The following CHRDL1 variants were observed in gnomAD, a reference collection of about 807,000 sequenced individuals.
CHRDL1 encodes chordin like 1, also known as chordin-like protein 1.
CHRDL1 carries 19 observed loss-of-function variants against 40.9 expected under a neutral mutation model. The ratio of observed to expected loss-of-function variants is 0.46; its 90% CI spans 0.32 to 0.68. CHRDL1 has a LOEUF of 0.68. Among genes scored for constraint, CHRDL1 ranks in the 30% least tolerant of loss-of-function variants. The pLI is 0.03. For synonymous variants in CHRDL1, 136 were observed against 123.4 expected (o/e 1.10, Z -0.68); for missense variants, 329 against 352.1 (o/e 0.93, Z 0.53).
At chrX:110,688,571 A>G (rs5943052) in intron 9 of CHRDL1, 23 bp downstream of exon 9, 436,909 of 1,140,691 alleles carry the variant, frequency 0.38, 67,495 homozygotes, top group African/African-American at 0.8. Flanking sequence ...GTCAACCAAA[A>G]GCAGGGCCTC....
chrX:110,795,501 T>A (rs1408439599), intron 1 of CHRDL1, among the ~76,000 whole-genome samples: 2 of 110,116 alleles, frequency 1.8e-5, no homozygotes, highest in Admixed American at 9.6e-5. Flanking sequence ...GCAGGCCGAG[T>A]GGGGAGGGAC....
At chrX:110,774,447 T>C (rs2089814229) in intron 2 of CHRDL1, among the ~76,000 whole-genome samples, 1 of 111,321 alleles carries the variant, frequency 9.0e-6, no homozygotes, top group Non-Finnish European at 1.9e-5. Flanking sequence ...TGGTATCTTT[T>C]TTTTTTTAAA....
intron 4 of CHRDL1, among the ~76,000 whole-genome samples, chrX:110,743,295 T>C (rs1241725833): frequency 4.4e-5 from 5 of 112,577 alleles, no homozygotes; most frequent in Non-Finnish European, 9.4e-5. Flanking sequence ...GCCTGACCAA[T>C]GCTGACTTTG....
Position 110,685,593 on chromosome X carries a change from A to G in CHRDL1, c.988+3001T>C, listed in dbSNP as rs976337460. Among the ~76,000 whole-genome samples the G allele has an allele frequency of 1.4e-3, 160 of 111,942 alleles. 1 individual carries two copies. The highest frequency in any genetic ancestry group is 3.0e-4 in the Non-Finnish European group (16 of 53,240). Reference sequence around the variant, plus strand: ...TTTCTTTTTTAACACAAAAAGTTGGATCATAATATACATATTGTTCTTTAG... The same window carrying G: ...TTTCTTTTTTAACACAAAAAGTTGGGTCATAATATACATATTGTTCTTTAG... On this transcript the variant is annotated intron_variant, in intron 9 of 11. Transcript: ENST00000372042.
intron 2 of CHRDL1, 114 bp from the exon 3 acceptor site, chrX:110,762,921 G>A (rs1400468825): frequency 4.0e-6 from 2 of 500,376 alleles, no homozygotes; most frequent in Non-Finnish European, 7.0e-6. Flanking sequence ...AAGTGGCATA[G>A]CAAGTATTTA....
chrX:110,745,223 G>T (rs1406840008), intron 4 of CHRDL1, among the ~76,000 whole-genome samples: 2 of 111,680 alleles, frequency 1.8e-5, no homozygotes, highest in Non-Finnish European at 3.8e-5. Flanking sequence ...CTGCTGGAAG[G>T]AGTCTCATCA....
intron 6 of CHRDL1, among the ~76,000 whole-genome samples, chrX:110,703,856 T>C (rs1479100306): frequency 9.0e-6 from 1 of 111,443 alleles, no homozygotes; most frequent in African/African-American, 3.3e-5. Flanking sequence ...GACCAGAGCT[T>C]TGTAAACAGC....
intron 4 of CHRDL1, among the ~76,000 whole-genome samples, chrX:110,728,166 A>G: frequency 9.0e-6 from 1 of 110,623 alleles, no homozygotes; most frequent in Admixed American, 9.6e-5. Flanking sequence ...AAAAATCTGG[A>G]AAGATATATA....
At chrX:110,729,816 T>C (rs2071125275) in intron 4 of CHRDL1, among the ~76,000 whole-genome samples, 1 of 112,283 alleles carries the variant, frequency 8.9e-6, no homozygotes, top group African/African-American at 3.2e-5. Flanking sequence ...TCTTAGCATC[T>C]CTGAGTCTCA....
At chrX:110,775,573 C>A (rs2089838836) in intron 2 of CHRDL1, among the ~76,000 whole-genome samples, 1 of 111,399 alleles carries the variant, frequency 9.0e-6, no homozygotes, top group Admixed American at 9.5e-5. Context: ...TAAATGTACA[C>A]AATAGAACTT....
chrX:110,783,809 C>G (rs908270164), intron 2 of CHRDL1, among the ~76,000 whole-genome samples: 2 of 112,062 alleles, frequency 1.8e-5, no homozygotes, highest in African/African-American at 3.2e-5. Flanking sequence ...ATACGTGTCA[C>G]TATGCCATCA....
intron 4 of CHRDL1, among the ~76,000 whole-genome samples, chrX:110,728,196 G>A (rs985411744): frequency 2.7e-5 from 3 of 109,712 alleles, no homozygotes; most frequent in Non-Finnish European, 5.7e-5. Context: ...AGTTATGGGG[G>A]GGAACTACAT....
At chrX:110,757,443 TAAAC>T (rs1038081412) in intron 4 of CHRDL1, among the ~76,000 whole-genome samples, 4 of 110,373 alleles carry the variant, frequency 3.6e-5, no homozygotes, top group African/African-American at 9.9e-5. Flanking sequence ...CACAAACAAA[TAAAC>T]AAACATAAAG....
At chrX:110,706,284 G>A (rs149956316) in intron 6 of CHRDL1, among the ~76,000 whole-genome samples, 1,547 of 111,866 alleles carry the variant, frequency 0.014, 20 homozygotes, top group Non-Finnish European at 0.02. Flanking sequence ...GATTCTAATG[G>A]ATTCAGATGG....
chrX:110,793,688 G>T (rs927590249), intron 1 of CHRDL1, among the ~76,000 whole-genome samples: 2 of 112,447 alleles, frequency 1.8e-5, no homozygotes, highest in African/African-American at 6.5e-5. Context: ...AAAAGAGAAA[G>T]ATTTTTAACC....
chrX:110,757,994 G>C lies in CHRDL1; in HGVS notation c.301+1667C>G, dbSNP rs1679855. Among the ~76,000 whole-genome samples the C allele has an allele frequency of 5.7e-4, 62 of 109,255 alleles. No homozygotes were observed. In the Admixed American group the frequency reaches 6.1e-3, roughly 11 times the overall value. The allele number at this position is 109,255 out of a possible 115,157, so 94.9% of individuals were successfully genotyped here. A position where few individuals can be genotyped will look rare whatever the true frequency, so the allele number is the denominator to read the frequency against. On this transcript the variant is annotated intron_variant, in intron 4 of 11. Transcript: ENST00000372042. Reference sequence around the variant, plus strand: ...CCCAGGGAAGAACAATCTTTACACAGAAGTTTAGATAAGTTCCTATGACAT... The same window carrying C: ...CCCAGGGAAGAACAATCTTTACACACAAGTTTAGATAAGTTCCTATGACAT...
chrX:110,754,801 A>G (rs962488232), intron 4 of CHRDL1, among the ~76,000 whole-genome samples: 2 of 110,640 alleles, frequency 1.8e-5, no homozygotes, highest in African/African-American at 6.6e-5. Flanking sequence ...ATGCTGGAAT[A>G]CCTCCAGGAA....
At chrX:110,751,710 G>T (rs2089362050) in intron 4 of CHRDL1, among the ~76,000 whole-genome samples, 1 of 111,604 alleles carries the variant, frequency 9.0e-6, no homozygotes, top group Non-Finnish European at 1.9e-5. Flanking sequence ...AAAACAGTAT[G>T]GAGGCTTCTT....
chrX:110,760,047 C>G (rs1211766767), intron 3 of CHRDL1, among the ~76,000 whole-genome samples: 1 of 111,886 alleles, frequency 8.9e-6, no homozygotes, highest in Non-Finnish European at 1.9e-5. Context: ...GCATTTCTAC[C>G]ATTCCCCAGC....
Sources: allele counts gnomAD v4.1 joint callset (sites outside exome capture counted in the v4.1 genomes callset), GRCh38; gene constraint gnomAD v4.1.1; transcripts MANE v1.5; gene names NCBI Gene and HGNC (gene_info 2026-07-23, HGNC 2026-07-21).